Variants in RFFL observed in about 807,000 individuals in gnomAD.
RFFL encodes the protein ring finger and FYVE like domain containing E3 ubiquitin protein ligase, also known as E3 ubiquitin-protein ligase rififylin.
Under a neutral mutation model 40.4 loss-of-function variants are expected in RFFL, and 16 were observed. That is an observed-to-expected ratio of 0.40 (90% CI 0.27 to 0.60). The LOEUF is 0.60. RFFL is among the 20% of genes least tolerant of loss of function. The pLI, the probability that RFFL is intolerant of heterozygous loss-of-function variation, is 0.47. For missense variants in RFFL, 367 were observed against 451.7 expected, an observed-to-expected ratio of 0.81 and a Z score of 1.70; for synonymous variants, 154 against 167.9, an observed-to-expected ratio of 0.92 and a Z score of 0.64.
intron 1 of RFFL, among the ~76,000 whole-genome samples, chr17:35,068,773 C>T (rs2091332988): frequency 6.6e-6 from 1 of 152,054 alleles, no homozygotes; most frequent in Admixed American, 6.5e-5. Context: ...GGGTCAGGAC[C>T]CAGCCTGAGG....
At chr17:35,063,172 C>T (rs566784739) in intron 1 of RFFL, among the ~76,000 whole-genome samples, 1 of 152,070 alleles carries the variant, frequency 6.6e-6, no homozygotes, top group Non-Finnish European at 1.5e-5. Context: ...AAGAAAACTT[C>T]TGGCCGGGGG....
intron 1 of RFFL, among the ~76,000 whole-genome samples, chr17:35,077,385 A>C (rs1226352838): frequency 6.6e-6 from 1 of 152,172 alleles, no homozygotes; most frequent in Non-Finnish European, 1.5e-5. Context: ...CGTCAAGATA[A>C]AACACAGAAA....
intron 1 of RFFL, among the ~76,000 whole-genome samples, chr17:35,076,216 A>G (rs985388938): frequency 6.6e-6 from 1 of 151,534 alleles, no homozygotes; most frequent in Non-Finnish European, 1.5e-5. Flanking sequence ...CTGGTCTCGA[A>G]TTCCTGACCT....
At position 35,012,106 on chromosome 17, in the gene RFFL, G is replaced by A; in HGVS notation, c.954C>T (p.Ile318=). 6.2e-7 allele frequency: 1 copy of A among 1,614,186 alleles called. No homozygotes were observed. The highest frequency in any genetic ancestry group is 8.5e-7 in the Non-Finnish European group (1 of 1,180,044). The change falls in exon 7 of 7, where the codon ATC becomes ATT. Residue 318 remains isoleucine (I), a synonymous_variant. Transcript: ENST00000394597. The stretch of plus-strand genomic sequence containing the variant: ...CACAGTCAATGGGTGAGTCCATGCA[G>A]ATCTTACACAGGTTCTCCTCCAAGC... The part of the protein sequence containing the change: ...PSGLEENLCK[I]CMDSPIDCVL...
At position 35,007,094 on chromosome 17, in the gene RFFL, G is replaced by C. The variant is rs950953550; in HGVS notation, c.*4874C>G. On this transcript the variant is annotated 3_prime_UTR_variant, in exon 7 of 7. Transcript: ENST00000394597. ...TCAGCCTCAGGCCAAACAAACAACC[G>C]GACAGGGCAGCAGAACAAGGCTGTC... 1 of 152,338 alleles carries C rather than the reference G, an allele frequency of 6.6e-6. No individual in the cohort carries two copies. Among genetic ancestry groups the C allele is most frequent in the East Asian group, 1.9e-4 (1 of 5,170 alleles). The allele number at this position is 152,338 out of a possible 1,614,324, so 9.4% of individuals were successfully genotyped here.
intron 1 of RFFL, among the ~76,000 whole-genome samples, chr17:35,049,305 C>CACAT (rs1491331558): frequency 7.0e-6 from 1 of 141,966 alleles, no homozygotes; most frequent in African/African-American, 3.0e-5. Flanking sequence ...GTACAGAATG[C>CACAT]ACACACACAC....
At chr17:35,088,056 G>A (rs777419335) in intron 1 of RFFL, among the ~76,000 whole-genome samples, 1 of 152,182 alleles carries the variant, frequency 6.6e-6, no homozygotes, top group Non-Finnish European at 1.5e-5. Flanking sequence ...GTCACGGGGA[G>A]AATAAGGCAC....
rs1274479175 is a variant in RFFL at position 35,021,434 on chromosome 17, G to T, written c.528C>A (p.Asn176Lys). ...TGGCTTGTGCAGATGAAGAGGGGAG[G>T]TTGGGTGAGGTAGGTGGAACCATGC... is the stretch of plus-strand genomic sequence containing the variant. ...HSSMVPPTSP[N>K]LPSSSAQATS... Residue 176 changes from asparagine to lysine, a missense_variant, in exon 3 of 7, where the codon AAC becomes AAA. Physicochemically the swap from Asn to Lys is moderately conservative, Grantham distance 94. Transcript: ENST00000394597. 1 of 1,541,934 alleles carries T rather than the reference G, an allele frequency of 6.5e-7. No homozygotes were observed. Among genetic ancestry groups the T allele is most frequent in the Non-Finnish European group, 8.7e-7 (1 of 1,147,802 alleles).
chr17:35,060,323 T>C (rs912388651), intron 1 of RFFL, among the ~76,000 whole-genome samples: 1 of 152,202 alleles, frequency 6.6e-6, no homozygotes, highest in African/African-American at 2.4e-5. Context: ...AGTGGCCTTG[T>C]AAAAGGCAAG....
chr17:35,059,135 C>T (rs1038201957), intron 1 of RFFL, among the ~76,000 whole-genome samples: 10 of 151,320 alleles, frequency 6.6e-5, no homozygotes, highest in African/African-American at 2.2e-4. Flanking sequence ...TCTCCTGCCT[C>T]GGCCTCCCAA....
chr17:35,052,598 A>G (rs1047307499), intron 1 of RFFL, among the ~76,000 whole-genome samples: 1 of 152,214 alleles, frequency 6.6e-6, no homozygotes, highest in Non-Finnish European at 1.5e-5. Context: ...GAAGAAGAAA[A>G]GCAAAAAAGG....
chr17:35,064,711 C>G (rs1175581939), upstream of RFFL, among the ~76,000 whole-genome samples: 2 of 152,188 alleles, frequency 1.3e-5, no homozygotes, highest in African/African-American at 4.8e-5. Flanking sequence ...GGCCTCTGCA[C>G]CCAGCTTCGT....
chr17:35,075,810 C>T (rs1020020611), intron 1 of RFFL, among the ~76,000 whole-genome samples: 3 of 152,102 alleles, frequency 2.0e-5, no homozygotes, highest in African/African-American at 7.2e-5. Flanking sequence ...AACACAAAAG[C>T]GTCTCGAAGA....
intron 1 of RFFL, among the ~76,000 whole-genome samples, chr17:35,039,020 T>C (rs1234313258): frequency 1.3e-5 from 2 of 151,738 alleles, no homozygotes; most frequent in African/African-American, 4.8e-5. Flanking sequence ...GTGATCCTCC[T>C]GCCACAGCAT....
At position 35,006,745 on chromosome 17, in the gene RFFL, C is replaced by T. The variant is rs1405800472; in HGVS notation, c.*5223G>A. ...CCAGCTCTTGAGGGTCAGTTCTCACCTTATGAACAAATTAACAGGCTCTGG... is the reference window on the plus strand; with the variant it reads ...CCAGCTCTTGAGGGTCAGTTCTCACTTTATGAACAAATTAACAGGCTCTGG... On this transcript the variant is annotated 3_prime_UTR_variant, in exon 7 of 7. Transcript: ENST00000394597. 1 of 152,230 alleles carries T rather than the reference C, an allele frequency of 6.6e-6. No individual in the cohort carries two copies. Among genetic ancestry groups the T allele is most frequent in the Non-Finnish European group, 1.5e-5 (1 of 68,114 alleles). The allele number at this position is 152,230 out of a possible 1,614,324, so 9.4% of individuals were successfully genotyped here.
At chr17:35,080,119 C>T (rs991851551) in intron 1 of RFFL, among the ~76,000 whole-genome samples, 3 of 151,370 alleles carry the variant, frequency 2.0e-5, no homozygotes, top group African/African-American at 7.3e-5. Context: ...ACACTCCTTC[C>T]TCTCTCTCCA....
At chr17:35,057,408 A>G (rs2091267527) in intron 1 of RFFL, among the ~76,000 whole-genome samples, 1 of 151,766 alleles carries the variant, frequency 6.6e-6, no homozygotes, top group Non-Finnish European at 1.5e-5. Flanking sequence ...AGGGCCTACA[A>G]ACTTGGGTTC....
chr17:35,038,031 TA>T (rs140008340), intron 1 of RFFL, among the ~76,000 whole-genome samples: 9,640 of 152,178 alleles, frequency 0.063, 933 homozygotes, highest in African/African-American at 0.2. Flanking sequence ...CTCACACCTG[TA>T]ATCCCAGCAC....
intron 1 of RFFL, among the ~76,000 whole-genome samples, chr17:35,052,923 C>T (rs758819232): frequency 1.3e-5 from 2 of 152,086 alleles, no homozygotes; most frequent in African/African-American, 2.4e-5. Flanking sequence ...GACTAGGGAG[C>T]CTTCATGGGA....
Sources: allele counts gnomAD v4.1 joint callset (sites outside exome capture counted in the v4.1 genomes callset), GRCh38; gene constraint gnomAD v4.1.1; transcripts MANE v1.5; gene names NCBI Gene and HGNC (gene_info 2026-07-23, HGNC 2026-07-21).